EPB41L5: variants seen among roughly 807,000 people sequenced by gnomAD.
EPB41L5 encodes the protein erythrocyte membrane protein band 4.1 like 5, also known as band 4.1-like protein 5.
A neutral mutation model predicts 106.6 loss-of-function variants in EPB41L5; 55 were observed. The observed-to-expected ratio is 0.52, with a 90% confidence interval of 0.42 to 0.65. EPB41L5 has a LOEUF of 0.65. Ranked by LOEUF, EPB41L5 falls within the 30% of genes least tolerant of loss-of-function variation. The pLI is 0.00. For synonymous variants in EPB41L5, 297 were observed against 306.7 expected, an observed-to-expected ratio of 0.97 and a Z score of 0.33; for missense variants, 871 against 882.1, an observed-to-expected ratio of 0.99 and a Z score of 0.16.
intron 10 of EPB41L5, among the ~76,000 whole-genome samples, chr2:120,081,479 G>T (rs1307988572): frequency 6.6e-6 from 1 of 152,104 alleles, no homozygotes; most frequent in Non-Finnish European, 1.5e-5. Flanking sequence ...TCTCTGTTTT[G>T]GTACCAGTAC....
At chr2:120,060,874 T>G (rs562012061) in intron 3 of EPB41L5, among the ~76,000 whole-genome samples, 1 of 152,226 alleles carries the variant, frequency 6.6e-6, no homozygotes, top group East Asian at 1.9e-4. Flanking sequence ...TGTGAATCTC[T>G]AATTATTTCA....
intron 3 of EPB41L5, among the ~76,000 whole-genome samples, chr2:120,050,337 A>G (rs970556278): frequency 3.9e-5 from 6 of 152,098 alleles, no homozygotes; most frequent in South Asian, 2.1e-4. Context: ...ATGTAGTCCC[A>G]TATTTCTTGG....
chr2:120,148,143 C>A (rs897959390), intron 20 of EPB41L5, among the ~76,000 whole-genome samples: 5 of 152,028 alleles, frequency 3.3e-5, no homozygotes, highest in Admixed American at 2.0e-4. Flanking sequence ...AGATTTAGAT[C>A]ATTTTTCTTT....
chr2:120,097,811 G>A (rs571620386), intron 14 of EPB41L5, among the ~76,000 whole-genome samples: 6 of 152,310 alleles, frequency 3.9e-5, no homozygotes, highest in Non-Finnish European at 7.3e-5. Flanking sequence ...GGAAGTGAAA[G>A]AATGTATATA....
chr2:120,108,218 T>C (rs942809152), intron 16 of EPB41L5: 3 of 152,084 alleles, frequency 2.0e-5, no homozygotes, highest in Admixed American at 1.3e-4. Context: ...TGGCCAGCAT[T>C]GTGTTTATAT....
chr2:120,144,779 A>G (rs1327885302), intron 19 of EPB41L5, among the ~76,000 whole-genome samples: 1 of 152,230 alleles, frequency 6.6e-6, no homozygotes, highest in African/African-American at 2.4e-5. Context: ...TCTTAACAAA[A>G]TATATTCAAA....
intron 10 of EPB41L5, among the ~76,000 whole-genome samples, chr2:120,081,572 G>C (rs1183734266): frequency 6.6e-6 from 1 of 152,150 alleles, no homozygotes; most frequent in Non-Finnish European, 1.5e-5. Flanking sequence ...TTTTTGCTTA[G>C]GATTGTTTTG....
chr2:120,128,268 C>G (rs1000799272), intron 17 of EPB41L5, among the ~76,000 whole-genome samples: 2 of 151,396 alleles, frequency 1.3e-5, no homozygotes, highest in Admixed American at 6.6e-5. Context: ...CACACACACA[C>G]ACACACACAC....
chr2:120,080,680 C>T lies in EPB41L5; in HGVS notation c.803+2099C>T, dbSNP rs148448348. ...TAGTTCTAGATCCTTGAGGAATCGC[C>T]ACACTGTCTTCCATAATGGTTGCAC... On this transcript the variant is annotated intron_variant, in intron 10 of 24. Transcript: ENST00000263713. Among the ~76,000 whole-genome samples, 1,774 of 152,288 alleles carry T rather than the reference C, an allele frequency of 0.012. 70 individuals carry two copies. In the East Asian group the frequency reaches 0.12, roughly 10 times the overall value.
At chr2:120,044,051 G>T (rs910977142) in intron 3 of EPB41L5, among the ~76,000 whole-genome samples, 1 of 150,518 alleles carries the variant, frequency 6.6e-6, no homozygotes, top group Non-Finnish European at 1.5e-5. Flanking sequence ...GAGGTGGGAG[G>T]ATCGCATGAG....
At chr2:120,114,709 G>T (rs1414556733) in intron 16 of EPB41L5, among the ~76,000 whole-genome samples, 1 of 152,054 alleles carries the variant, frequency 6.6e-6, no homozygotes, top group Non-Finnish European at 1.5e-5. Context: ...TTTTTATTCT[G>T]TGCAGTATGG....
At chr2:120,102,524 T>C (rs1574672011) in intron 16 of EPB41L5, among the ~76,000 whole-genome samples, 2 of 152,326 alleles carry the variant, frequency 1.3e-5, no homozygotes, top group Middle Eastern at 6.8e-3. Context: ...TTTCATTCTT[T>C]TTTCTGCATG....
chr2:120,148,826 A>G (rs575429721), intron 20 of EPB41L5, among the ~76,000 whole-genome samples: 1 of 152,260 alleles, frequency 6.6e-6, no homozygotes, highest in Admixed American at 6.5e-5. Flanking sequence ...ATATTTGCAT[A>G]CAAATTTTTT....
At chr2:120,160,290 C>G (rs762290172) in intron 20 of EPB41L5, among the ~76,000 whole-genome samples, 53 of 152,088 alleles carry the variant, frequency 3.5e-4, no homozygotes, top group Admixed American at 7.9e-4. Flanking sequence ...TTTGTTGGTA[C>G]ATTGTTTTCT....
intron 3 of EPB41L5, among the ~76,000 whole-genome samples, chr2:120,067,543 G>GT (rs1681528213): frequency 6.6e-6 from 1 of 152,200 alleles, no homozygotes; most frequent in African/African-American, 2.4e-5. Flanking sequence ...GCTGGGAATG[G>GT]TTTATCAGTG....
At chr2:120,148,887 A>G (rs919232321) in intron 20 of EPB41L5, among the ~76,000 whole-genome samples, 5 of 152,098 alleles carry the variant, frequency 3.3e-5, no homozygotes, top group Admixed American at 6.6e-5. Context: ...GAGTAACACC[A>G]TTTCTCCTCA....
At chr2:120,028,624 G>C (rs184297706) in intron 2 of EPB41L5, among the ~76,000 whole-genome samples, 1 of 152,164 alleles carries the variant, frequency 6.6e-6, no homozygotes, top group African/African-American at 2.4e-5. Context: ...CGGTAATACA[G>C]ATACAAGATG....
At chr2:120,132,778 T>C (rs1201258371) in intron 18 of EPB41L5, among the ~76,000 whole-genome samples, 1 of 151,972 alleles carries the variant, frequency 6.6e-6, no homozygotes, top group South Asian at 2.1e-4. Flanking sequence ...TGGAAAACTT[T>C]AGATAAAAGC....
At chr2:120,123,947 T>C (rs1473756846) in intron 16 of EPB41L5, among the ~76,000 whole-genome samples, 3 of 152,176 alleles carry the variant, frequency 2.0e-5, no homozygotes, top group African/African-American at 7.2e-5. Flanking sequence ...CGTGAGCCAC[T>C]GCACCTGGCC....
Sources: allele counts gnomAD v4.1 joint callset (sites outside exome capture counted in the v4.1 genomes callset), GRCh38; gene constraint gnomAD v4.1.1; transcripts MANE v1.5; gene names NCBI Gene and HGNC (gene_info 2026-07-23, HGNC 2026-07-21).